Variants in TOX observed in about 807,000 individuals in gnomAD.
TOX encodes thymocyte selection-associated high mobility group box protein TOX.
In TOX, 11 loss-of-function variants were observed where a neutral mutation model predicts 53.7. The ratio of observed to expected loss-of-function variants is 0.20; its 90% CI spans 0.13 to 0.34. TOX has a LOEUF of 0.34. Ranked by LOEUF, TOX falls within the 10% of genes least tolerant of loss-of-function variation. The pLI, the probability that TOX is intolerant of heterozygous loss-of-function variation, is 1.00. For synonymous variants in TOX, 225 were observed against 245.3 expected, an observed-to-expected ratio of 0.92 and a Z score of 0.77; for missense variants, 570 against 664.6, an observed-to-expected ratio of 0.86 and a Z score of 1.56.
chr8:59,008,662 G>T (rs973104511), intron 1 of TOX, among the ~76,000 whole-genome samples: 1 of 152,170 alleles, frequency 6.6e-6, no homozygotes, highest in Non-Finnish European at 1.5e-5. Flanking sequence ...GTCCTGCAGG[G>T]TTCAATGGCG....
intron 1 of TOX, among the ~76,000 whole-genome samples, chr8:59,045,144 T>C (rs1312667161): frequency 6.6e-6 from 1 of 152,262 alleles, no homozygotes; most frequent in East Asian, 1.9e-4. Context: ...ATTCTTTTTT[T>C]CAACTATTTA....
chr8:58,909,656 C>G (rs957138143), intron 3 of TOX, among the ~76,000 whole-genome samples: 11 of 149,152 alleles, frequency 7.4e-5, no homozygotes, highest in African/African-American at 2.4e-4. Context: ...AATTCTCTCT[C>G]TCTCTTTTTT....
intron 1 of TOX, among the ~76,000 whole-genome samples, chr8:59,109,726 C>T (rs1332411440): frequency 6.6e-6 from 1 of 152,070 alleles, no homozygotes; most frequent in Non-Finnish European, 1.5e-5. Context: ...TTTAAAACTT[C>T]GCAGTGAAAA....
In TOX at chr8:58,851,459, A is replaced by G; in HGVS notation, c.693+65T>C. On this transcript the variant is annotated intron_variant, in intron 4 of 8. Coordinates refer to ENST00000361421, the MANE Select transcript of TOX (RefSeq NM_014729.3). This position sits in a 1 kb window ranked among gnomAD's most constrained non-coding sequence, Gnocchi z 4.4. The stretch of plus-strand genomic sequence containing the variant: ...GCATGGATGATATAAACTTGTACCC[A>G]GCACAGGTCAAAGAAGGTGCCTAAG... 1 of 1,562,138 alleles carries G rather than the reference A, an allele frequency of 6.4e-7. No individual in the cohort carries two copies. Among genetic ancestry groups the G allele is most frequent in the Non-Finnish European group, 8.7e-7 (1 of 1,144,088 alleles).
Position 59,117,526 on chromosome 8 carries a change from G to A in TOX, c.102+1360C>T, listed in dbSNP as rs1241629191. Among the ~76,000 whole-genome samples the A allele has an allele frequency of 1.3e-5, 2 of 152,244 alleles. No homozygotes were observed. The highest frequency in any genetic ancestry group is 3.8e-4 in the East Asian group (2 of 5,196). ...CACAGCATCGAGGAGCTTCTCCACG[G>A]GGAAGTGTGTGTGTGAGAGCCTGCC... is the stretch of plus-strand genomic sequence containing the variant. On this transcript the variant is annotated intron_variant, in intron 1 of 8. Coordinates refer to ENST00000361421, the MANE Select transcript of TOX (RefSeq NM_014729.3). The surrounding 1 kb of genome is among the most constrained non-coding windows in gnomAD (Gnocchi z 4.6).
chr8:58,940,896 C>G (rs1291408726), intron 2 of TOX, among the ~76,000 whole-genome samples: 1 of 152,102 alleles, frequency 6.6e-6, no homozygotes, highest in Non-Finnish European at 1.5e-5. Context: ...TAGGTGCCAT[C>G]AGAAGACAAG....
chr8:58,846,703 G>A (rs17293660), intron 4 of TOX, among the ~76,000 whole-genome samples: 27,290 of 152,098 alleles, frequency 0.18, 2,764 homozygotes, highest in Non-Finnish European at 0.23. Context: ...GAGACGACGC[G>A]TGTATTAAAG....
intron 1 of TOX, among the ~76,000 whole-genome samples, chr8:59,107,045 C>CCGGGGG (rs1804920110): frequency 2.1e-5 from 1 of 48,566 alleles, no homozygotes; most frequent in Non-Finnish European, 3.5e-5. Flanking sequence ...AAGCAGTTTG[C>CCGGGGG]TGGGGGGGGG....
intron 5 of TOX, 23 bp from the exon 6 acceptor site, chr8:58,826,925 T>TA (rs1313080636): frequency 6.2e-7 from 1 of 1,602,086 alleles, no homozygotes; most frequent in South Asian, 1.1e-5. Context: ...CAAAGAGTCT[T>TA]AAATTAGAAA....
rs570523421 is a variant in TOX at position 59,082,944 on chromosome 8, G to A, written c.102+35942C>T. ...TTCTCCCTACCCCAACCCCTTCATC[G>A]TTGTTTTTTGTTTGTTTGTTTTAAA... On this transcript the variant is annotated intron_variant, in intron 1 of 8. Transcript: ENST00000361421. Among the ~76,000 whole-genome samples the A allele has an allele frequency of 1.5e-4, 23 of 152,134 alleles. No homozygotes were observed. In the East Asian group the frequency reaches 2.5e-3, roughly 17 times the overall value.
chr8:58,952,347 G>A (rs1438305298), intron 2 of TOX, among the ~76,000 whole-genome samples: 1 of 152,160 alleles, frequency 6.6e-6, no homozygotes, highest in Non-Finnish European at 1.5e-5. Context: ...TTAAATTGAA[G>A]TATTATACTT....
chr8:58,971,492 A>G (rs182926908), intron 1 of TOX, among the ~76,000 whole-genome samples: 4 of 152,228 alleles, frequency 2.6e-5, no homozygotes, highest in Non-Finnish European at 4.4e-5. Flanking sequence ...TGAGACATGC[A>G]AGAGCATTTG....
chr8:58,845,201 T>A (rs1271205728), intron 4 of TOX, among the ~76,000 whole-genome samples: 1 of 152,194 alleles, frequency 6.6e-6, no homozygotes. Flanking sequence ...CTGGGAGAGC[T>A]GTTTAATGCA....
chr8:58,981,434 C>A (rs1813204221), intron 1 of TOX, among the ~76,000 whole-genome samples: 1 of 152,106 alleles, frequency 6.6e-6, no homozygotes, highest in Non-Finnish European at 1.5e-5. Flanking sequence ...TCTGCCTTAC[C>A]CTTCGCCTGG....
intron 1 of TOX, among the ~76,000 whole-genome samples, chr8:59,073,212 GA>G (rs1804230901): frequency 6.6e-6 from 1 of 152,082 alleles, no homozygotes; most frequent in South Asian, 2.1e-4. Flanking sequence ...TGATACTTGG[GA>G]ACATGTAAAC....
At chr8:59,024,874 C>A (rs1196030474) in intron 1 of TOX, among the ~76,000 whole-genome samples, 1 of 152,074 alleles carries the variant, frequency 6.6e-6, no homozygotes, top group Non-Finnish European at 1.5e-5. Flanking sequence ...AAGTAAATGT[C>A]AATTCCAAAG....
intron 1 of TOX, among the ~76,000 whole-genome samples, chr8:58,967,821 A>T (rs1489143149): frequency 3.3e-5 from 5 of 152,124 alleles, no homozygotes; most frequent in African/African-American, 1.2e-4. Flanking sequence ...CTGGGCTTAC[A>T]TTCCCAGCAT....
At chr8:58,931,491 G>A (rs922358229) in intron 3 of TOX, among the ~76,000 whole-genome samples, 1 of 152,150 alleles carries the variant, frequency 6.6e-6, no homozygotes, top group Non-Finnish European at 1.5e-5. Flanking sequence ...GCATTCAGAT[G>A]GCTGAGGCAG....
At chr8:58,984,782 C>CAAAAAAAAAA (rs11364474) in intron 1 of TOX, among the ~76,000 whole-genome samples, 1 of 77,402 alleles carries the variant, frequency 1.3e-5, no homozygotes, top group South Asian at 4.9e-4. Context: ...GACTCCGTCT[C>CAAAAAAAAAA]AAAAAAAAAA....
Sources: allele counts gnomAD v4.1 joint callset (sites outside exome capture counted in the v4.1 genomes callset), GRCh38; gene constraint gnomAD v4.1.1; non-coding constraint Gnocchi (gnomAD v3.1); transcripts MANE v1.5; gene names NCBI Gene and HGNC (gene_info 2026-07-23, HGNC 2026-07-21).